The following MAP1B variants were observed in gnomAD, a reference collection of about 807,000 sequenced individuals.
MAP1B encodes the protein microtubule associated protein 1B.
A neutral mutation model predicts 176.1 loss-of-function variants in MAP1B; 12 were observed. The observed-to-expected ratio is 0.07, with a 90% CI of 0.04 to 0.11. The LOEUF is 0.11. Ranked by LOEUF, MAP1B falls within the 10% of genes least tolerant of loss-of-function variation. The pLI, the probability that MAP1B is intolerant of heterozygous loss-of-function variation, is 1.00. For synonymous variants in MAP1B, 1,044 were observed against 1,135.0 expected (o/e 0.92, Z 1.61); for missense variants, 2,523 against 2,990.5 (o/e 0.84, Z 3.65).
At chr5:72,193,442 GT>G (rs796949415) in intron 4 of MAP1B, 27 of 292,372 alleles carry the variant, frequency 9.2e-5, no homozygotes, top group Middle Eastern at 1.2e-3. Flanking sequence ...ATAGTTTAAC[GT>G]TTTTTTTTAA....
Position 72,197,718 on chromosome 5 carries a change from C to T in MAP1B, c.4363C>T (p.Gln1455Ter), listed in dbSNP as rs1747219083. ...VSEMTSTSLY[Q>*]DKQEGKSTDF... is the part of the protein sequence containing the mutation. ...TGAAATGACTTCTACTAGTCTTTAC[C>T]AAGACAAACAGGAAGGGAAAAGCAC... The change falls in exon 5 of 7, where the codon CAA becomes TAA. Residue 1455 changes from glutamine (Q) to a stop codon, truncating the protein, a stop_gained. Coordinates refer to ENST00000296755, the MANE Select transcript of MAP1B (RefSeq NM_005909.5). LOFTEE classifies it high-confidence loss of function. 6.2e-7 allele frequency: 1 copy of T among 1,613,800 alleles called. No homozygotes were observed.
chr5:72,146,575 A>T (rs1746049066), intron 2 of MAP1B, among the ~76,000 whole-genome samples: 1 of 152,244 alleles, frequency 6.6e-6, no homozygotes, highest in African/African-American at 2.4e-5. Context: ...AGGCCCTATT[A>T]TTATCCTCAT....
chr5:72,151,431 T>G (rs1311403926), intron 2 of MAP1B, among the ~76,000 whole-genome samples: 1 of 152,160 alleles, frequency 6.6e-6, no homozygotes. Context: ...AGTGGGGAAG[T>G]CATTGATCAT....
rs559312112 is a variant in MAP1B at position 72,193,140 on chromosome 5, G to T, written c.511-726G>T. 6 of 232,328 alleles carry T rather than the reference G, an allele frequency of 2.6e-5. No individual in the cohort carries two copies. In the South Asian group the frequency reaches 3.1e-4, roughly 12 times the overall value. The allele number at this position is 232,328 out of a possible 1,614,324, so 14.4% of individuals were successfully genotyped here. A position where few individuals can be genotyped will look rare whatever the true frequency, so the allele number is the denominator to read the frequency against. ...AAGTATTTGTATCTGCAGAGAATAT[G>T]CTGGGTGACCCACTCATGTTTCAAT... On this transcript the variant is annotated intron_variant, in intron 4 of 6. Coordinates refer to ENST00000296755, the MANE Select transcript of MAP1B (RefSeq NM_005909.5).
chr5:72,203,414 GA>G (rs1747374053), intron 5 of MAP1B, 148 bp from the exon 6 acceptor site: 1 of 686,772 alleles, frequency 1.5e-6, no homozygotes, highest in Non-Finnish European at 2.7e-6. Context: ...GATTACCAGG[GA>G]GATGGAAATG....
chr5:72,136,521 G>A (rs1384573422), intron 2 of MAP1B, among the ~76,000 whole-genome samples: 2 of 152,094 alleles, frequency 1.3e-5, no homozygotes, highest in South Asian at 2.1e-4. Flanking sequence ...AGTTCTCTGG[G>A]ATAATTTAAA....
chr5:72,126,073 A>C (rs534689860), intron 2 of MAP1B, among the ~76,000 whole-genome samples: 45 of 152,310 alleles, frequency 3.0e-4, no homozygotes, highest in Admixed American at 7.2e-4. Flanking sequence ...CACTGCCCTG[A>C]GGCTAGAATG....
chr5:72,122,185 G>A (rs1052847131), intron 2 of MAP1B, among the ~76,000 whole-genome samples: 2 of 152,152 alleles, frequency 1.3e-5, no homozygotes, highest in South Asian at 2.1e-4. Context: ...CCATTTTAAT[G>A]CAAATCCCTA....
At chr5:72,167,192 C>T (rs1746449328) in intron 2 of MAP1B, among the ~76,000 whole-genome samples, 1 of 152,048 alleles carries the variant, frequency 6.6e-6, no homozygotes, top group African/African-American at 2.4e-5. Context: ...CCTCCCTGGT[C>T]CATGCAAGTC....
rs1747443633 is a variant in MAP1B at position 72,206,237 on chromosome 5, C to T, written c.*998C>T. 1.3e-5 allele frequency: 2 copies of T among 152,628 alleles called. No individual in the cohort carries two copies. The highest frequency in any genetic ancestry group is 4.8e-5 in the African/African-American group (2 of 41,440). The allele number at this position is 152,628 out of a possible 1,614,324, so 9.5% of individuals were successfully genotyped here. A position where few individuals can be genotyped will look rare whatever the true frequency, so the allele number is the denominator to read the frequency against. On this transcript the variant is annotated 3_prime_UTR_variant, in exon 7 of 7. Transcript: ENST00000296755. ...GATGCACTTATTTTTTAATGTGAGACAGCAAGTTTATAAAACATCCATATA... is the reference window on the plus strand; with the variant it reads ...GATGCACTTATTTTTTAATGTGAGATAGCAAGTTTATAAAACATCCATATA...
intron 2 of MAP1B, among the ~76,000 whole-genome samples, chr5:72,125,875 T>C (rs1389152039): frequency 6.8e-6 from 1 of 147,112 alleles, no homozygotes; most frequent in African/African-American, 2.7e-5. Flanking sequence ...TTAGAATCGA[T>C]AATTTAAGAA....
At chr5:72,118,912 C>T (rs1413691270) in intron 2 of MAP1B, among the ~76,000 whole-genome samples, 3 of 152,182 alleles carry the variant, frequency 2.0e-5, no homozygotes, top group Non-Finnish European at 4.4e-5. Context: ...CTTGTAAAGA[C>T]TGAAGATAGC....
intron 1 of MAP1B, among the ~76,000 whole-genome samples, chr5:72,110,358 C>T (rs1456080521): frequency 6.6e-6 from 1 of 152,208 alleles, no homozygotes; most frequent in Admixed American, 6.5e-5. Context: ...TTTCTTTACA[C>T]ACCGTAGCAG....
intron 2 of MAP1B, among the ~76,000 whole-genome samples, chr5:72,133,543 G>A (rs1745776450): frequency 1.3e-5 from 2 of 152,150 alleles, no homozygotes. Context: ...GTTCAAATAT[G>A]GGCTTCACCT....
At chr5:72,170,151 T>C (rs528278167) in intron 2 of MAP1B, among the ~76,000 whole-genome samples, 1 of 152,312 alleles carries the variant, frequency 6.6e-6, no homozygotes, top group East Asian at 1.9e-4. Flanking sequence ...CCAGTCTATT[T>C]CATGTAAGCT....
At chr5:72,116,398 C>T (rs1436442615) in intron 2 of MAP1B, 1 of 404,008 alleles carries the variant, frequency 2.5e-6, no homozygotes, top group East Asian at 8.2e-5. Flanking sequence ...TTACAAACTT[C>T]TGTTAAAATA....
chr5:72,109,631 A>G (rs1745276619), intron 1 of MAP1B, among the ~76,000 whole-genome samples: 1 of 152,238 alleles, frequency 6.6e-6, no homozygotes. Context: ...CTGGGGGCCC[A>G]GAGAGGCAGG....
Position 72,195,202 on chromosome 5 carries a change from T to C in MAP1B, c.1847T>C (p.Val616Ala). 1 of 1,613,500 alleles carries C rather than the reference T, an allele frequency of 6.2e-7. No homozygotes were observed. Among genetic ancestry groups the C allele is most frequent in the Non-Finnish European group, 8.5e-7 (1 of 1,179,952 alleles). Residue 616 changes from valine to alanine, a missense_variant, in exon 5 of 7, where the codon GTG becomes GCG. By Grantham distance (64) the Val-to-Ala change is moderately conservative. This residue lies in a region of MAP1B where 1,925 missense variants were observed against 2,126.0 expected (regional missense o/e 0.91). Coordinates refer to ENST00000296755, the MANE Select transcript of MAP1B (RefSeq NM_005909.5). ...EVPSKEEPSP[V>A]KAEVAEKQAT... Reference sequence around the variant, plus strand: ...CCCAGCAAAGAAGAGCCATCTCCAGTGAAAGCCGAGGTGGCTGAGAAGCAA... The same window carrying C: ...CCCAGCAAAGAAGAGCCATCTCCAGCGAAAGCCGAGGTGGCTGAGAAGCAA...
intron 1 of MAP1B, among the ~76,000 whole-genome samples, chr5:72,111,811 A>G (rs1745348441): frequency 6.6e-6 from 1 of 152,154 alleles, no homozygotes; most frequent in Admixed American, 6.5e-5. Context: ...GCAAATAATT[A>G]TGTCACTTCT....
Sources: allele counts gnomAD v4.1 joint callset (sites outside exome capture counted in the v4.1 genomes callset), GRCh38; gene constraint gnomAD v4.1.1; regional missense constraint gnomAD v4.1.1; transcripts MANE v1.5; gene names NCBI Gene and HGNC (gene_info 2026-07-23, HGNC 2026-07-21).